CTPS2: variants seen among roughly 807,000 people sequenced by gnomAD.
CTPS2 encodes the protein CTP synthase II.
CTPS2 carries 19 observed loss-of-function variants against 46.8 expected under a neutral mutation model. The observed-to-expected ratio is 0.41, with a 90% CI of 0.28 to 0.60. The LOEUF (loss-of-function observed/expected upper bound fraction) is 0.60, where lower values mean the gene tolerates loss of function less well. Among genes scored for constraint, CTPS2 ranks in the 20% least tolerant of loss-of-function variants. The pLI, the probability that CTPS2 is intolerant of heterozygous loss-of-function variation, is 0.35. For synonymous variants in CTPS2, 151 were observed against 165.2 expected, an observed-to-expected ratio of 0.91 and a Z score of 0.66; for missense variants, 286 against 447.6, an observed-to-expected ratio of 0.64 and a Z score of 3.26.
chrX:16,650,939 C>A, intron 13 of CTPS2: 1 of 1,028,785 alleles, frequency 9.7e-7, no homozygotes, highest in Non-Finnish European at 1.3e-6. Flanking sequence ...TGCAGACAAC[C>A]CTCAGCACAA....
intron 13 of CTPS2, among the ~76,000 whole-genome samples, chrX:16,645,890 C>T (rs111369398): frequency 8.9e-6 from 1 of 112,736 alleles, no homozygotes; most frequent in Admixed American, 9.3e-5. Context: ...CTCTCTCTCA[C>T]CCATGTGATG....
chrX:16,623,406 C>T (rs1008888225), intron 14 of CTPS2, among the ~76,000 whole-genome samples: 4 of 111,463 alleles, frequency 3.6e-5, no homozygotes, highest in African/African-American at 1.3e-4. Flanking sequence ...ACCTCCCTAC[C>T]AGCCCCCCAC....
chrX:16,659,616 A>C (rs1460107236), intron 13 of CTPS2, among the ~76,000 whole-genome samples: 1 of 85,765 alleles, frequency 1.2e-5, no homozygotes, highest in African/African-American at 4.8e-5. Context: ...TGTAGGAGTC[A>C]CAGAATGACA....
intron 9 of CTPS2, among the ~76,000 whole-genome samples, chrX:16,682,099 C>T (rs887917629): frequency 1.8e-5 from 2 of 111,959 alleles, no homozygotes; most frequent in South Asian, 3.7e-4. Context: ...TAGGCAATTA[C>T]GACGTACTTA....
At chrX:16,660,367 C>T (rs1352617005) in intron 13 of CTPS2, among the ~76,000 whole-genome samples, 2 of 109,821 alleles carry the variant, frequency 1.8e-5, no homozygotes, top group African/African-American at 6.6e-5. Context: ...CAGGTACACA[C>T]CACCACACCC....
At chrX:16,631,337 G>A (rs1301448330) in intron 14 of CTPS2, among the ~76,000 whole-genome samples, 1 of 103,958 alleles carries the variant, frequency 9.6e-6, no homozygotes, top group African/African-American at 3.5e-5. Context: ...GACAGAGCAA[G>A]ACTCTGTCTC....
intron 11 of CTPS2, among the ~76,000 whole-genome samples, chrX:16,669,707 G>C (rs749624059): frequency 7.8e-4 from 86 of 110,027 alleles, no homozygotes; most frequent in African/African-American, 2.8e-3. Context: ...CAAAGAGCAG[G>C]TAATGGGGGG....
At chrX:16,595,661 T>C (rs1287118601) in intron 17 of CTPS2, among the ~76,000 whole-genome samples, 1 of 111,859 alleles carries the variant, frequency 8.9e-6, no homozygotes, top group Non-Finnish European at 1.9e-5. Flanking sequence ...TGAAATAAAA[T>C]TTAAAATTCC....
chrX:16,603,438 A>ATAAATAG, intron 17 of CTPS2, among the ~76,000 whole-genome samples: 1 of 98,339 alleles, frequency 1.0e-5, no homozygotes, highest in East Asian at 3.4e-4. Flanking sequence ...TAAATAAATA[A>ATAAATAG]ATAAATAAAT....
intron 17 of CTPS2, among the ~76,000 whole-genome samples, chrX:16,605,060 T>C (rs187628239): frequency 7.1e-5 from 8 of 112,288 alleles, no homozygotes; most frequent in Admixed American, 2.8e-4. Flanking sequence ...GGAACATGGC[T>C]TTCGGAATGT....
chrX:16,593,246 G>A (rs1291487531), intron 17 of CTPS2, among the ~76,000 whole-genome samples: 2 of 110,490 alleles, frequency 1.8e-5, no homozygotes, highest in East Asian at 2.8e-4. Context: ...TGGCTAACAC[G>A]GTGAAACCCC....
chrX:16,636,160 G>T (rs1931733877), intron 14 of CTPS2, among the ~76,000 whole-genome samples: 1 of 111,981 alleles, frequency 8.9e-6, no homozygotes, highest in Admixed American at 9.5e-5. Context: ...AGCACTTCAG[G>T]AGGCCAAGGT....
intron 6 of CTPS2, among the ~76,000 whole-genome samples, 180 bp from the exon 7 acceptor site, chrX:16,691,800 A>G (rs997139911): frequency 3.6e-5 from 4 of 112,595 alleles, no homozygotes; most frequent in African/African-American, 1.3e-4. Flanking sequence ...TAAGTGTATC[A>G]GTAAGAACTC....
intron 10 of CTPS2, among the ~76,000 whole-genome samples, chrX:16,675,945 G>T (rs1455742558): frequency 9.0e-6 from 1 of 111,511 alleles, no homozygotes; most frequent in African/African-American, 3.3e-5. Flanking sequence ...TTATTTTTCG[G>T]AGTCAAGAAA....
chrX:16,653,760 C>T (rs1462172720), intron 13 of CTPS2, among the ~76,000 whole-genome samples: 9 of 112,266 alleles, frequency 8.0e-5, no homozygotes, highest in Non-Finnish European at 1.7e-4. Flanking sequence ...TTTTGCATAG[C>T]TCAACGTTTG....
chrX:16,600,947 G>T (rs1384907015), intron 17 of CTPS2, among the ~76,000 whole-genome samples: 3 of 111,722 alleles, frequency 2.7e-5, no homozygotes, highest in Non-Finnish European at 5.6e-5. Context: ...GCCCTAAGGA[G>T]GAGAATCAGC....
chrX:16,606,167 C>A (rs1334373786), intron 17 of CTPS2, among the ~76,000 whole-genome samples: 1 of 112,669 alleles, frequency 8.9e-6, no homozygotes, highest in East Asian at 2.8e-4. Context: ...ACGTGCCATA[C>A]AATTGAATAT....
intron 8 of CTPS2, among the ~76,000 whole-genome samples, chrX:16,685,109 C>A (rs745548968): frequency 4.5e-5 from 5 of 110,723 alleles, no homozygotes. Context: ...AAAGAGGATG[C>A]GGGTAACAGA....
At chrX:16,684,796 T>C (rs1246997796) in intron 8 of CTPS2, among the ~76,000 whole-genome samples, 3 of 111,330 alleles carry the variant, frequency 2.7e-5, no homozygotes, top group Admixed American at 9.6e-5. Flanking sequence ...CTCCATAAAG[T>C]ATGCAGGTAA....
Sources: allele counts gnomAD v4.1 joint callset (sites outside exome capture counted in the v4.1 genomes callset), GRCh38; gene constraint gnomAD v4.1.1; transcripts MANE v1.5; gene names NCBI Gene and HGNC (gene_info 2026-07-23, HGNC 2026-07-21).